TMEM30A: variants seen among roughly 807,000 people sequenced by gnomAD.
The protein encoded by TMEM30A is cell cycle control protein 50A.
A neutral mutation model predicts 38.2 loss-of-function variants in TMEM30A; 24 were observed. That is an observed-to-expected ratio of 0.63 (90% CI 0.46 to 0.88). The LOEUF is 0.88. TMEM30A is among the 40% of genes least tolerant of loss of function. TMEM30A has a pLI of 0.00. For missense variants in TMEM30A, 370 were observed against 458.6 expected, an observed-to-expected ratio of 0.81 and a Z score of 1.77; for synonymous variants, 145 against 161.6, an observed-to-expected ratio of 0.90 and a Z score of 0.78.
intron 6 of TMEM30A, chr6:75,256,863 G>C: frequency 2.3e-6 from 1 of 435,464 alleles, no homozygotes; most frequent in East Asian, 7.2e-5. Flanking sequence ...TGGCAGTGAA[G>C]GGTGGGCTGT....
At chr6:75,260,794 T>C in intron 4 of TMEM30A, 30 bp downstream of exon 4, 1 of 1,349,492 alleles carries the variant, frequency 7.4e-7, no homozygotes, top group East Asian at 2.5e-5. Context: ...GTCCTAATTA[T>C]ATATGTCTAT....
chr6:75,284,720 G>GCGC lies in TMEM30A; in HGVS notation c.-85_-83dup, dbSNP rs921446092. On this transcript the variant is annotated 5_prime_UTR_variant, in exon 1 of 7. Transcript: ENST00000230461. ...GCTGACCCTGACAGGAACCGCTCGA[G>GCGC]CGCCGCTGCCGCCGCCGCCGCCGCA... The GCGC allele has an allele frequency of 4.8e-6, 7 of 1,453,712 alleles. No individual in the cohort carries two copies. The Admixed American group carries it at 8.5e-5, about 18-fold the overall frequency. 90.1% of individuals were successfully genotyped at this position (1,453,712 alleles called of 1,614,324 possible).
At chr6:75,275,743 C>T (rs1772250178) in intron 1 of TMEM30A, among the ~76,000 whole-genome samples, 1 of 152,162 alleles carries the variant, frequency 6.6e-6, no homozygotes, top group African/African-American at 2.4e-5. Flanking sequence ...AGCCTCTTAA[C>T]TGGTTTCCCT....
At chr6:75,281,487 T>TA (rs1772355392) in intron 1 of TMEM30A, among the ~76,000 whole-genome samples, 1 of 152,098 alleles carries the variant, frequency 6.6e-6, no homozygotes, top group Non-Finnish European at 1.5e-5. Context: ...AAAAACCAAC[T>TA]AAACAAGATA....
At chr6:75,259,770 T>C (rs1016339649) in intron 4 of TMEM30A, among the ~76,000 whole-genome samples, 4 of 152,340 alleles carry the variant, frequency 2.6e-5, no homozygotes, top group African/African-American at 7.2e-5. Context: ...CCAACTATAA[T>C]TGCAAGGTAA....
chr6:75,253,839 A>G lies in TMEM30A; in HGVS notation c.*2263T>C, dbSNP rs2149516791. ...AAATTTCTTAGCTTTTACTTGTTGAATAATTTTTTCAATTGGGAATCTTTT... is the reference window on the plus strand; with the variant it reads ...AAATTTCTTAGCTTTTACTTGTTGAGTAATTTTTTCAATTGGGAATCTTTT... On this transcript the variant is annotated 3_prime_UTR_variant, in exon 7 of 7. Transcript: ENST00000230461. 1 of 152,590 alleles carries G rather than the reference A, an allele frequency of 6.6e-6. No homozygotes were observed. The highest frequency in any genetic ancestry group is 1.9e-4 in the East Asian group (1 of 5,184). The allele number at this position is 152,590 out of a possible 1,614,324, so 9.5% of individuals were successfully genotyped here.
At chr6:75,264,456 C>T (rs1772028863) in intron 3 of TMEM30A, among the ~76,000 whole-genome samples, 1 of 151,546 alleles carries the variant, frequency 6.6e-6, no homozygotes, top group African/African-American at 2.4e-5. Context: ...GCCAGCGTGG[C>T]GAAACCCCGT....
intron 6 of TMEM30A, among the ~76,000 whole-genome samples, chr6:75,257,746 A>T (rs529782113): frequency 3.3e-5 from 5 of 152,328 alleles, no homozygotes; most frequent in African/African-American, 1.2e-4. Context: ...AATTCAAAAA[A>T]AACCTTATTT....
intron 1 of TMEM30A, among the ~76,000 whole-genome samples, chr6:75,271,451 A>G (rs1054768301): frequency 6.6e-6 from 1 of 152,186 alleles, no homozygotes; most frequent in Non-Finnish European, 1.5e-5. Context: ...AAAAAATTAC[A>G]TGTCTTTTGA....
chr6:75,262,653 A>C (rs1415613738), intron 3 of TMEM30A, among the ~76,000 whole-genome samples: 3 of 152,218 alleles, frequency 2.0e-5, no homozygotes, highest in Non-Finnish European at 4.4e-5. Flanking sequence ...TCAAAAAAAA[A>C]AACAACAAAC....
At chr6:75,259,538 A>G (rs1771929711) in intron 4 of TMEM30A, 48 bp from the exon 5 acceptor site, 1 of 1,512,040 alleles carries the variant, frequency 6.6e-7, no homozygotes, top group Non-Finnish European at 8.9e-7. Context: ...TTGAAAACTC[A>G]TAGCATCTGC....
At chr6:75,259,623 T>C in intron 4 of TMEM30A, 133 bp from the exon 5 acceptor site, 1 of 668,890 alleles carries the variant, frequency 1.5e-6, no homozygotes, top group Non-Finnish European at 2.3e-6. Flanking sequence ...ATGATTCACA[T>C]TTGTTCTTTA....
chr6:75,265,148 T>A (rs1772046771), intron 3 of TMEM30A, 83 bp downstream of exon 3: 8 of 867,610 alleles, frequency 9.2e-6, no homozygotes, highest in Non-Finnish European at 1.4e-5. Flanking sequence ...CACTTTAATT[T>A]CATCCTAACA....
At chr6:75,259,092 GAAGC>G in intron 5 of TMEM30A, 106 bp from the exon 6 acceptor site, 1 of 993,798 alleles carries the variant, frequency 1.0e-6, no homozygotes, top group Non-Finnish European at 1.5e-6. Context: ...TTATTCAAAA[GAAGC>G]TTTGCTGCAA....
At chr6:75,258,725 G>GCCACAT in intron 6 of TMEM30A, 55 bp downstream of exon 6, 2 of 1,498,690 alleles carry the variant, frequency 1.3e-6, no homozygotes, top group Non-Finnish European at 1.8e-6. Flanking sequence ...ATATAAGGTT[G>GCCACAT]GACTCGACTC....
At chr6:75,258,298 T>C (rs1376827626) in intron 6 of TMEM30A, among the ~76,000 whole-genome samples, 1 of 152,194 alleles carries the variant, frequency 6.6e-6, no homozygotes, top group Admixed American at 6.5e-5. Flanking sequence ...TGTGAACTTA[T>C]TAATATGGAA....
In TMEM30A at chr6:75,256,235, A is replaced by G; in HGVS notation, c.953T>C (p.Met318Thr). The G allele has an allele frequency of 6.2e-7, 1 of 1,613,646 alleles. No homozygotes were observed. Among genetic ancestry groups the G allele is most frequent in the Non-Finnish European group, 8.5e-7 (1 of 1,179,640 alleles). Residue 318 changes from methionine to threonine, a missense_variant, in exon 7 of 7, where the codon ATG becomes ACG. Met to Thr is a moderately conservative substitution (Grantham distance 81). Transcript: ENST00000230461. ...CCCCAAAAATGGATTTTTTCCTCCCATCCATGAAATAGTGCTCAAGATCAT... is the reference window on the plus strand; with the variant it reads ...CCCCAAAAATGGATTTTTTCCTCCCGTCCATGAAATAGTGCTCAAGATCAT... ...KRMILSTISW[M>T]GGKNPFLGIA... is the part of the protein sequence containing the mutation.
chr6:75,267,896 C>T, intron 1 of TMEM30A, 148 bp from the exon 2 acceptor site: 1 of 456,076 alleles, frequency 2.2e-6, no homozygotes, highest in Non-Finnish European at 3.8e-6. Flanking sequence ...ATCTGTTTGA[C>T]AGTGTGAGGT....
Position 75,255,922 on chromosome 6 carries a change from C to T in TMEM30A, c.*180G>A, listed in dbSNP as rs1771858570. The T allele has an allele frequency of 5.9e-6, 3 of 506,178 alleles. No homozygotes were observed. The highest frequency in any genetic ancestry group is 6.9e-5 in the South Asian group (2 of 28,832). The allele number at this position is 506,178 out of a possible 1,614,324, so 31.4% of individuals were successfully genotyped here. On this transcript the variant is annotated 3_prime_UTR_variant, in exon 7 of 7. Transcript: ENST00000230461. The stretch of plus-strand genomic sequence containing the variant: ...TCAATATAGCTAATTTTTTTATACC[C>T]GTCATATATTTTTAGAAGTCATCCG...
Sources: allele counts gnomAD v4.1 joint callset (sites outside exome capture counted in the v4.1 genomes callset), GRCh38; gene constraint gnomAD v4.1.1; transcripts MANE v1.5; gene names NCBI Gene and HGNC (gene_info 2026-07-23, HGNC 2026-07-21).